Variants in ERBB4 observed in about 807,000 individuals in gnomAD.
The protein encoded by ERBB4 is receptor tyrosine-protein kinase erbB-4.
Under a neutral mutation model 158.0 loss-of-function variants are expected in ERBB4, and 42 were observed. That is an observed-to-expected ratio of 0.27 (90% CI 0.21 to 0.34). The LOEUF is 0.34. Ranked by LOEUF, ERBB4 falls within the 10% of genes least tolerant of loss-of-function variation. The pLI, the probability that ERBB4 is intolerant of heterozygous loss-of-function variation, is 1.00. For missense variants in ERBB4, 1,333 were observed against 1,624.1 expected, an observed-to-expected ratio of 0.82 and a Z score of 3.08; for synonymous variants, 583 against 558.7, an observed-to-expected ratio of 1.04 and a Z score of -0.61.
chr2:211,402,135 C>T (rs4673615), intron 25 of ERBB4, among the ~76,000 whole-genome samples: 86,664 of 151,638 alleles, frequency 0.57, 24,972 homozygotes, highest in South Asian at 0.75. Flanking sequence ...TTAGGAACCA[C>T]TACTGTTTTT....
At position 211,619,128 on chromosome 2, in the gene ERBB4, G is replaced by T. The variant is rs765156213; in HGVS notation, c.2301+49C>A. 3.7e-6 allele frequency: 4 copies of T among 1,073,204 alleles called. No individual in the cohort carries two copies. In the South Asian group the frequency reaches 3.7e-5, roughly 10 times the overall value. 66.5% of individuals were successfully genotyped at this position (1,073,204 alleles called of 1,614,324 possible). ...TGTTTTGCTTTAATTATCTAAGCAG[G>T]CTATTTGATAATGGAGAAAAATGTG... is the stretch of plus-strand genomic sequence containing the variant. On this transcript the variant is annotated intron_variant, in intron 19 of 27. Transcript: ENST00000342788.
intron 1 of ERBB4, among the ~76,000 whole-genome samples, chr2:212,536,861 T>A (rs1310683122): frequency 6.6e-6 from 1 of 151,914 alleles, no homozygotes; most frequent in Non-Finnish European, 1.5e-5. Context: ...TTTGAATGGG[T>A]CAATGTGCAT....
intron 19 of ERBB4, among the ~76,000 whole-genome samples, chr2:211,568,832 C>T (rs755820012): frequency 8.5e-5 from 13 of 152,050 alleles, no homozygotes; most frequent in East Asian, 1.9e-4. Flanking sequence ...AAGATAATGA[C>T]GGCCACAATG....
At chr2:212,299,516 G>A (rs2086542798) in intron 1 of ERBB4, among the ~76,000 whole-genome samples, 2 of 151,512 alleles carry the variant, frequency 1.3e-5, no homozygotes, top group Non-Finnish European at 3.0e-5. Flanking sequence ...TTTGAGTGTC[G>A]ACCATGTAAA....
At chr2:211,439,323 A>ATAGT (rs143988757) in intron 20 of ERBB4, among the ~76,000 whole-genome samples, 9 of 152,148 alleles carry the variant, frequency 5.9e-5, no homozygotes, top group Admixed American at 4.6e-4. Flanking sequence ...AAATTCACAA[A>ATAGT]TAGTTAGTTG....
At chr2:211,475,084 A>C in intron 20 of ERBB4, among the ~76,000 whole-genome samples, 1 of 152,056 alleles carries the variant, frequency 6.6e-6, no homozygotes, top group East Asian at 1.9e-4. Flanking sequence ...ATCCATAAGG[A>C]TGTTTTCCAC....
At chr2:212,017,433 G>T (rs2076553547) in intron 2 of ERBB4, among the ~76,000 whole-genome samples, 1 of 152,052 alleles carries the variant, frequency 6.6e-6, no homozygotes, top group Admixed American at 6.6e-5. Context: ...AGTATGAAAA[G>T]ATTGAGAAGA....
chr2:211,603,145 C>T (rs900917539), intron 19 of ERBB4, among the ~76,000 whole-genome samples: 4 of 152,048 alleles, frequency 2.6e-5, no homozygotes, highest in African/African-American at 4.8e-5. Context: ...GCAGGAGAAT[C>T]GCTTGAACCC....
rs2062589722 is a variant in ERBB4 at position 211,382,492 on chromosome 2, T to C, written c.*1123A>G. On this transcript the variant is annotated 3_prime_UTR_variant, in exon 28 of 28. Transcript: ENST00000342788. ...ATATTGCTTGATTCAAAATCCAAAA[T>C]GGAGTTCAGAAAAAGAACAAATAAA... 1 of 232,394 alleles carries C rather than the reference T, an allele frequency of 4.3e-6. No homozygotes were observed. The highest frequency in any genetic ancestry group is 1.8e-4 in the South Asian group (1 of 5,524). The allele number at this position is 232,394 out of a possible 1,614,324, so 14.4% of individuals were successfully genotyped here.
chr2:212,445,367 C>T (rs2092327463), intron 1 of ERBB4, among the ~76,000 whole-genome samples: 1 of 152,134 alleles, frequency 6.6e-6, no homozygotes, highest in Admixed American at 6.5e-5. Context: ...ATTTTTGCTT[C>T]CTGTTCCTGC....
At chr2:211,717,375 C>T (rs1209231691) in intron 7 of ERBB4, among the ~76,000 whole-genome samples, 1 of 152,074 alleles carries the variant, frequency 6.6e-6, no homozygotes, top group African/African-American at 2.4e-5. Context: ...TCTTTGCTGT[C>T]TTGGAGTTAG....
In ERBB4 at chr2:211,381,939, T is replaced by G. The variant is rs11897483; in HGVS notation, c.*1676A>C. 0.032 allele frequency: 7,359 copies of G among 229,798 alleles called. 512 individuals are homozygous for G. The highest frequency in any genetic ancestry group is 0.15 in the African/African-American group (6,780 of 45,228). 14.2% of individuals were successfully genotyped at this position (229,798 alleles called of 1,614,324 possible). ...GGCCCCCTTTACTTGGAGACTCATC[T>G]CTGTCATTTGTTCTCATCCTTCATC... On this transcript the variant is annotated 3_prime_UTR_variant, in exon 28 of 28. Transcript: ENST00000342788.
intron 1 of ERBB4, among the ~76,000 whole-genome samples, chr2:212,456,376 T>A (rs1345760362): frequency 6.6e-6 from 1 of 152,034 alleles, no homozygotes; most frequent in African/African-American, 2.4e-5. Context: ...TGTAAAATAT[T>A]TTTGGAGCCC....
chr2:211,576,341 A>G (rs1415091239), intron 19 of ERBB4, among the ~76,000 whole-genome samples: 6 of 152,206 alleles, frequency 3.9e-5, no homozygotes, highest in Non-Finnish European at 8.8e-5. Context: ...AGGGCATCCA[A>G]TTCTGGTCCA....
chr2:212,525,589 T>C (rs1692405690), intron 1 of ERBB4, among the ~76,000 whole-genome samples: 1 of 151,980 alleles, frequency 6.6e-6, no homozygotes, highest in Admixed American at 6.6e-5. Flanking sequence ...CCAATATAGA[T>C]ATTATTGTAC....
At chr2:211,702,229 C>A in intron 11 of ERBB4, 63 bp from the exon 12 acceptor site, 2 of 1,191,448 alleles carry the variant, frequency 1.7e-6, no homozygotes, top group Non-Finnish European at 1.3e-6. Context: ...ATAAGGCTGT[C>A]ACATTTTATT....
At chr2:212,497,949 G>C (rs896405343) in intron 1 of ERBB4, among the ~76,000 whole-genome samples, 1 of 152,072 alleles carries the variant, frequency 6.6e-6, no homozygotes, top group Non-Finnish European at 1.5e-5. Flanking sequence ...TACTAAATTT[G>C]TAACAATAAA....
chr2:212,501,840 G>C (rs1690909507), intron 1 of ERBB4, among the ~76,000 whole-genome samples: 1 of 152,034 alleles, frequency 6.6e-6, no homozygotes. Flanking sequence ...TATCAATTAA[G>C]ATGAAGAAAG....
At chr2:212,339,324 C>A (rs1351028334) in intron 1 of ERBB4, among the ~76,000 whole-genome samples, 1 of 152,086 alleles carries the variant, frequency 6.6e-6, no homozygotes, top group Non-Finnish European at 1.5e-5. Context: ...CCATCCATGT[C>A]CCTGCAAAGG....
Sources: gnomAD v4.1 joint callset for allele counts (sites outside exome capture counted in the v4.1 genomes callset) on GRCh38, gnomAD v4.1.1 for gene constraint, MANE v1.5 for transcripts, NCBI Gene and HGNC (gene_info 2026-07-23, HGNC 2026-07-21) for gene names.